CDC14A: variants seen among roughly 807,000 people sequenced by gnomAD.
CDC14A encodes the protein cell division cycle 14A.
A neutral mutation model predicts 74.4 loss-of-function variants in CDC14A; 53 were observed. The ratio of observed to expected loss-of-function variants is 0.71; its 90% CI spans 0.57 to 0.89. The LOEUF is 0.89. Ranked by LOEUF, CDC14A falls within the 40% of genes least tolerant of loss-of-function variation. The pLI, the probability that CDC14A is intolerant of heterozygous loss-of-function variation, is 0.00. For synonymous variants in CDC14A, 247 were observed against 258.4 expected (o/e 0.96, Z 0.43); for missense variants, 646 against 713.7 (o/e 0.91, Z 1.08).
At position 100,499,126 on chromosome 1, in the gene CDC14A, G is replaced by A; in HGVS notation, c.1619G>A (p.Ser540Asn). 2 of 1,614,146 alleles carry A rather than the reference G, an allele frequency of 1.2e-6. No individual in the cohort carries two copies. Among genetic ancestry groups the A allele is most frequent in the South Asian group, 2.2e-5 (2 of 91,084 alleles). ...AACAATAATCAGTACAACAGAAGCA[G>A]CAACAGCAACGGGGGCAACCTGAAC... is the stretch of plus-strand genomic sequence containing the variant. ...ELNNNQYNRSSNSNGGNLNSP... is the reference protein window; with the variant it reads ...ELNNNQYNRSNNSNGGNLNSP... The change falls in exon 15 of 16, where the codon AGC becomes AAC. Residue 540 changes from serine (S) to asparagine (N), a missense_variant. By Grantham distance (46) the Ser-to-Asn change is conservative. Coordinates refer to ENST00000336454, the MANE Select transcript of CDC14A (RefSeq NM_003672.4).
At chr1:100,414,294 A>G (rs1385381458) in intron 4 of CDC14A, among the ~76,000 whole-genome samples, 1 of 152,200 alleles carries the variant, frequency 6.6e-6, no homozygotes, top group Admixed American at 6.6e-5. Flanking sequence ...AGTAGACCCC[A>G]TCTCTACTTT....
rs144741000 is a variant in CDC14A at position 100,456,144 on chromosome 1, G to T, written c.607+652G>T. Reference sequence around the variant, plus strand: ...ACACTTAGTTCCATTGTGACAACTAGGTACAATTTTCTAGCTGACAGTGGT... The same window carrying T: ...ACACTTAGTTCCATTGTGACAACTATGTACAATTTTCTAGCTGACAGTGGT... On this transcript the variant is annotated intron_variant, in intron 8 of 15. Coordinates refer to ENST00000336454, the MANE Select transcript of CDC14A (RefSeq NM_003672.4). Among the ~76,000 whole-genome samples, 901 of 152,176 alleles carry T rather than the reference G, an allele frequency of 5.9e-3. 10 individuals are homozygous for T. Among genetic ancestry groups the T allele is most frequent in the African/African-American group, 0.021 (881 of 41,524 alleles).
chr1:100,501,078 C>A (rs1054058472), intron 15 of CDC14A, among the ~76,000 whole-genome samples: 8 of 152,060 alleles, frequency 5.3e-5, no homozygotes, highest in African/African-American at 1.9e-4. Flanking sequence ...CCCATCTACC[C>A]CTTAATCTGA....
intron 5 of CDC14A, among the ~76,000 whole-genome samples, chr1:100,435,077 C>T (rs941686182): frequency 5.3e-5 from 8 of 152,176 alleles, no homozygotes; most frequent in Admixed American, 3.3e-4. Flanking sequence ...TGGAACTATC[C>T]GGGTGATGCC....
intron 8 of CDC14A, among the ~76,000 whole-genome samples, chr1:100,457,097 C>G (rs1237558460): frequency 2.0e-5 from 3 of 152,146 alleles, no homozygotes; most frequent in African/African-American, 7.2e-5. Flanking sequence ...GATATTGTTT[C>G]AGTAGTAGTT....
chr1:100,443,184 T>C, intron 7 of CDC14A, 188 bp downstream of exon 7: 1 of 518,006 alleles, frequency 1.9e-6, no homozygotes, highest in South Asian at 2.7e-5. Context: ...AAATTTTATT[T>C]TGGAAAAACA....
At chr1:100,375,657 G>A (rs1023375648) in intron 2 of CDC14A, among the ~76,000 whole-genome samples, 1 of 152,190 alleles carries the variant, frequency 6.6e-6, no homozygotes, top group Admixed American at 6.5e-5. Flanking sequence ...AACAGGTGCT[G>A]GAGAGGATGT....
chr1:100,492,648 G>A (rs1203263094), intron 11 of CDC14A, among the ~76,000 whole-genome samples: 3 of 152,148 alleles, frequency 2.0e-5, no homozygotes, highest in African/African-American at 7.2e-5. Flanking sequence ...CTCTTTGTGT[G>A]TCCTAGACTT....
At chr1:100,514,223 A>G (rs776351469) in intron 15 of CDC14A, among the ~76,000 whole-genome samples, 1 of 152,140 alleles carries the variant, frequency 6.6e-6, no homozygotes, top group African/African-American at 2.4e-5. Context: ...TTTATTTTGT[A>G]TTTCAGATTC....
At chr1:100,368,577 T>A (rs1653973899) in intron 2 of CDC14A, among the ~76,000 whole-genome samples, 1 of 152,242 alleles carries the variant, frequency 6.6e-6, no homozygotes, top group Non-Finnish European at 1.5e-5. Flanking sequence ...TGATGACGAA[T>A]TCTTTTTTAA....
At position 100,518,484 on chromosome 1, in the gene CDC14A, G is replaced by T; in HGVS notation, c.*204G>T. The T allele has an allele frequency of 2.0e-6, 1 of 497,552 alleles. No individual in the cohort carries two copies. Among genetic ancestry groups the T allele is most frequent in the Non-Finnish European group, 3.6e-6 (1 of 275,914 alleles). The allele number at this position is 497,552 out of a possible 1,614,324, so 30.8% of individuals were successfully genotyped here. A position where few individuals can be genotyped will look rare whatever the true frequency, so the allele number is the denominator to read the frequency against. On this transcript the variant is annotated 3_prime_UTR_variant, in exon 16 of 16. Coordinates refer to ENST00000336454, the MANE Select transcript of CDC14A (RefSeq NM_003672.4). ...ACTACTATAAATGCACTGAAACTAT[G>T]TTTATGGAGATTTCCATACTTTTAA...
intron 2 of CDC14A, among the ~76,000 whole-genome samples, chr1:100,376,437 C>T (rs17122338): frequency 0.24 from 35,782 of 152,006 alleles, 5,642 homozygotes; most frequent in African/African-American, 0.45. Flanking sequence ...TGTTGGCCTA[C>T]TGTGATTGAG....
rs1292679015 is a variant in CDC14A, at chr1:100,494,814, C to T, written c.1138-4C>T. 2.5e-6 allele frequency: 4 copies of T among 1,573,418 alleles called. No homozygotes were observed. The African/African-American group carries it at 4.1e-5, about 16-fold the overall frequency. On this transcript the variant is annotated splice_region_variant and splice_polypyrimidine_tract_variant and intron_variant, in intron 11 of 15. Coordinates refer to ENST00000336454, the MANE Select transcript of CDC14A (RefSeq NM_003672.4). ...CTTTCTATGGAACGTGTATTTTTTTCCAGGATAACTTAGAAGATGATGATG... is the reference window on the plus strand; with the variant it reads ...CTTTCTATGGAACGTGTATTTTTTTTCAGGATAACTTAGAAGATGATGATG...
At chr1:100,402,163 G>T (rs1444356929) in intron 4 of CDC14A, among the ~76,000 whole-genome samples, 1 of 151,632 alleles carries the variant, frequency 6.6e-6, no homozygotes, top group African/African-American at 2.4e-5. Context: ...CGGAAAGGAG[G>T]TACTCAAAGC....
chr1:100,500,764 A>G (rs1347883017), intron 15 of CDC14A, among the ~76,000 whole-genome samples: 4 of 150,312 alleles, frequency 2.7e-5, no homozygotes, highest in Non-Finnish European at 4.4e-5. Flanking sequence ...AAAAAAAAAA[A>G]AAAAAAGAAA....
At chr1:100,504,744 G>A in intron 15 of CDC14A, 1 of 1,193,276 alleles carries the variant, frequency 8.4e-7, no homozygotes, top group African/African-American at 1.5e-5. Flanking sequence ...CCTCTGTACT[G>A]CATTTCTGTA....
intron 2 of CDC14A, among the ~76,000 whole-genome samples, chr1:100,370,024 C>G (rs939442116): frequency 1.3e-5 from 2 of 151,494 alleles, no homozygotes; most frequent in African/African-American, 4.9e-5. Context: ...CATTTTGTCA[C>G]CCAGGCTGGA....
At chr1:100,401,605 T>C (rs1176605350) in intron 4 of CDC14A, among the ~76,000 whole-genome samples, 1 of 152,208 alleles carries the variant, frequency 6.6e-6, no homozygotes, top group Non-Finnish European at 1.5e-5. Flanking sequence ...TGGATAATAA[T>C]GTTAATTTTA....
chr1:100,417,744 AGTT>A (rs1372249122), intron 4 of CDC14A, among the ~76,000 whole-genome samples: 2 of 152,172 alleles, frequency 1.3e-5, no homozygotes, highest in Non-Finnish European at 2.9e-5. Flanking sequence ...TTCCCACTAT[AGTT>A]GTAGTGATAT....
Sources: allele counts gnomAD v4.1 joint callset (sites outside exome capture counted in the v4.1 genomes callset), GRCh38; gene constraint gnomAD v4.1.1; transcripts MANE v1.5; gene names NCBI Gene and HGNC (gene_info 2026-07-23, HGNC 2026-07-21).